Variants in PRKAA2 observed in about 807,000 individuals in gnomAD.
PRKAA2 encodes 5'-AMP-activated protein kinase catalytic subunit alpha-2.
In PRKAA2, 40 loss-of-function variants were observed where a neutral mutation model predicts 56.3. The ratio of observed to expected loss-of-function variants is 0.71; its 90% CI spans 0.55 to 0.92. The LOEUF (loss-of-function observed/expected upper bound fraction) is 0.92. PRKAA2 is among the 40% of genes least tolerant of loss of function. PRKAA2 has a pLI of 0.00. For synonymous variants in PRKAA2, 214 were observed against 234.2 expected, an observed-to-expected ratio of 0.91 and a Z score of 0.79; for missense variants, 542 against 686.9, an observed-to-expected ratio of 0.79 and a Z score of 2.36.
intron 4 of PRKAA2, among the ~76,000 whole-genome samples, 195 bp downstream of exon 4, chr1:56,692,697 GCAGATA>G (rs1338534496): frequency 1.3e-5 from 2 of 150,758 alleles, no homozygotes; most frequent in Non-Finnish European, 2.9e-5. Flanking sequence ...CTTTAAAAAT[GCAGATA>G]CCTCTAGAGA....
At chr1:56,649,614 G>A (rs942634421) in intron 1 of PRKAA2, among the ~76,000 whole-genome samples, 2 of 152,184 alleles carry the variant, frequency 1.3e-5, no homozygotes, top group Non-Finnish European at 2.9e-5. Context: ...AACATTTTAT[G>A]TGCTTTCTCT....
intron 1 of PRKAA2, among the ~76,000 whole-genome samples, chr1:56,672,193 C>G (rs1008147890): frequency 6.6e-6 from 1 of 152,140 alleles, no homozygotes; most frequent in Non-Finnish European, 1.5e-5. Context: ...TCTTGGGTTA[C>G]TACAACCTCC....
intron 2 of PRKAA2, among the ~76,000 whole-genome samples, chr1:56,686,140 A>G (rs973166672): frequency 2.0e-5 from 3 of 152,244 alleles, no homozygotes; most frequent in African/African-American, 7.2e-5. Context: ...GACTTATTCT[A>G]TATGTCCATA....
At chr1:56,663,489 A>G (rs952028474) in intron 1 of PRKAA2, among the ~76,000 whole-genome samples, 1 of 152,220 alleles carries the variant, frequency 6.6e-6, no homozygotes, top group African/African-American at 2.4e-5. Context: ...TCATATTGGA[A>G]AAGCCATGTT....
At chr1:56,686,329 A>G (rs1033541810) in intron 2 of PRKAA2, among the ~76,000 whole-genome samples, 3 of 152,216 alleles carry the variant, frequency 2.0e-5, no homozygotes, top group Admixed American at 2.0e-4. Context: ...TATCTTTTCA[A>G]TTGGAACATA....
At chr1:56,679,357 C>A (rs187580291) in intron 2 of PRKAA2, among the ~76,000 whole-genome samples, 3 of 152,044 alleles carry the variant, frequency 2.0e-5, no homozygotes, top group African/African-American at 7.2e-5. Flanking sequence ...AATTGTTTAT[C>A]GGATGTTCAC....
chr1:56,648,811 T>A (rs1479549774), intron 1 of PRKAA2, among the ~76,000 whole-genome samples: 1 of 152,232 alleles, frequency 6.6e-6, no homozygotes, highest in Non-Finnish European at 1.5e-5. Flanking sequence ...GGACTAATGA[T>A]GTTGAACATT....
chr1:56,707,980 A>G lies in PRKAA2; in HGVS notation c.*267A>G, dbSNP rs1308750090. 4 of 458,246 alleles carry G rather than the reference A, an allele frequency of 8.7e-6. No homozygotes were observed. Among genetic ancestry groups the G allele is most frequent in the East Asian group, 8.5e-5 (2 of 23,540 alleles). 28.4% of individuals were successfully genotyped at this position (458,246 alleles called of 1,614,324 possible). A position where few individuals can be genotyped will look rare whatever the true frequency, so the allele number is the denominator to read the frequency against. On this transcript the variant is annotated 3_prime_UTR_variant, in exon 9 of 9. Coordinates refer to ENST00000371244, the MANE Select transcript of PRKAA2 (RefSeq NM_006252.4). Reference sequence around the variant, plus strand: ...ATATCAATGAAGATTTTTAATTACAATAATGAGTTCACTACAGACGATTAA... The same window carrying G: ...ATATCAATGAAGATTTTTAATTACAGTAATGAGTTCACTACAGACGATTAA...
chr1:56,690,356 G>A (rs1199431972), intron 2 of PRKAA2, among the ~76,000 whole-genome samples: 2 of 151,906 alleles, frequency 1.3e-5, no homozygotes. Flanking sequence ...GTAGAGACGG[G>A]GTTTCACCGT....
At chr1:56,691,617 G>A in intron 3 of PRKAA2, 130 bp downstream of exon 3, 1 of 507,296 alleles carries the variant, frequency 2.0e-6, no homozygotes, top group South Asian at 6.2e-5. Context: ...TAAACATGTA[G>A]AGTGTTAGAT....
intron 1 of PRKAA2, among the ~76,000 whole-genome samples, chr1:56,646,510 A>G (rs1226486706): frequency 3.9e-5 from 6 of 152,188 alleles, no homozygotes; most frequent in Non-Finnish European, 8.8e-5. Flanking sequence ...TTAAGTATGG[A>G]ACTTTCATTT....
chr1:56,699,200 A>T (rs1286824248), intron 6 of PRKAA2, among the ~76,000 whole-genome samples: 5 of 152,190 alleles, frequency 3.3e-5, no homozygotes, highest in African/African-American at 1.2e-4. Flanking sequence ...AATATTAGCT[A>T]TTATTATTTT....
chr1:56,691,560 G>A, intron 3 of PRKAA2, 73 bp downstream of exon 3: 5 of 1,184,266 alleles, frequency 4.2e-6, no homozygotes, highest in Non-Finnish European at 5.9e-6. Context: ...ATAGAACAAT[G>A]CAAAGATATC....
At chr1:56,647,669 A>G (rs189925795) in intron 1 of PRKAA2, among the ~76,000 whole-genome samples, 4 of 152,184 alleles carry the variant, frequency 2.6e-5, no homozygotes, top group South Asian at 2.1e-4. Context: ...GATTAGTACA[A>G]TTGTTACTCA....
intron 2 of PRKAA2, among the ~76,000 whole-genome samples, chr1:56,687,042 G>A (rs900030291): frequency 1.3e-5 from 2 of 152,012 alleles, no homozygotes; most frequent in South Asian, 2.1e-4. Flanking sequence ...GTGCCACCAC[G>A]CCTGGCTAAT....
intron 1 of PRKAA2, among the ~76,000 whole-genome samples, chr1:56,656,206 G>A (rs1315060852): frequency 6.6e-6 from 1 of 152,100 alleles, no homozygotes; most frequent in African/African-American, 2.4e-5. Flanking sequence ...CAGACTGAAA[G>A]ATAGACAAAA....
rs777390344 is a variant in PRKAA2, at chr1:56,645,352, G to A, written c.-36G>A. ...GCGGCGGCGGCGGCGGCTACGCGGA[G>A]CGGCAGGCGGTGGAGCGAGGCCGCG... On this transcript the variant is annotated 5_prime_UTR_variant, in exon 1 of 9. Transcript: ENST00000371244. 38 of 1,428,152 alleles carry A rather than the reference G, an allele frequency of 2.7e-5. No homozygotes were observed. In the African/African-American group the frequency reaches 5.4e-4, roughly 20 times the overall value. The allele number at this position is 1,428,152 out of a possible 1,614,324, so 88.5% of individuals were successfully genotyped here.
intron 1 of PRKAA2, among the ~76,000 whole-genome samples, chr1:56,652,211 C>A (rs1001108261): frequency 2.0e-5 from 3 of 151,826 alleles, no homozygotes; most frequent in African/African-American, 4.8e-5. Flanking sequence ...TGGGGTTTCA[C>A]CATGTTGGCC....
chr1:56,703,504 G>GCAT, intron 6 of PRKAA2, among the ~76,000 whole-genome samples: 1 of 151,982 alleles, frequency 6.6e-6, no homozygotes. Context: ...TCAGTCTGTT[G>GCAT]CATTATTTTG....
Sources: gnomAD v4.1 joint callset for allele counts (sites outside exome capture counted in the v4.1 genomes callset) on GRCh38, gnomAD v4.1.1 for gene constraint, MANE v1.5 for transcripts, NCBI Gene and HGNC (gene_info 2026-07-23, HGNC 2026-07-21) for gene names.